SCMH1: variants seen among roughly 807,000 people sequenced by gnomAD.
The protein encoded by SCMH1 is polycomb protein SCMH1.
Under a neutral mutation model 70.8 loss-of-function variants are expected in SCMH1, and 37 were observed. The observed-to-expected ratio is 0.52, with a 90% confidence interval of 0.40 to 0.69. The LOEUF is 0.69. Among genes scored for constraint, SCMH1 ranks in the 30% least tolerant of loss-of-function variants. The pLI is 0.00. For missense variants in SCMH1, 607 were observed against 827.3 expected (o/e 0.73, Z 3.27); for synonymous variants, 292 against 307.4 (o/e 0.95, Z 0.52).
exon 11 of SCMH1, chr1:41,048,776 G>A (rs772643140): frequency 1.2e-6 from 2 of 1,614,194 alleles, no homozygotes; most frequent in Non-Finnish European, 1.7e-6. Context: ...GGCCTGGACA[G>A]CCTGCTGCAA....
intron 1 of SCMH1, among the ~76,000 whole-genome samples, chr1:41,216,152 T>A (rs1447602602): frequency 1.3e-5 from 2 of 152,168 alleles, no homozygotes; most frequent in Non-Finnish European, 2.9e-5. Flanking sequence ...AACTAACATC[T>A]CTTATTTATC....
intron 10 of SCMH1, among the ~76,000 whole-genome samples, chr1:41,054,540 A>G (rs1439075050): frequency 6.6e-6 from 1 of 152,216 alleles, no homozygotes; most frequent in Non-Finnish European, 1.5e-5. Flanking sequence ...AAGATGTAAG[A>G]AAGATGTAAC....
intron 8 of SCMH1, among the ~76,000 whole-genome samples, chr1:41,079,668 C>T (rs896894900): frequency 1.3e-5 from 2 of 152,002 alleles, no homozygotes; most frequent in African/African-American, 4.8e-5. Context: ...TCAAGACCAG[C>T]CTGGGCAACA....
chr1:41,106,846 C>T lies in SCMH1; in HGVS notation c.745+6437G>A, dbSNP rs566004171. Among the ~76,000 whole-genome samples the T allele has an allele frequency of 1.9e-4, 29 of 151,898 alleles. 1 individual carries two copies. Among genetic ancestry groups the T allele is most frequent in the African/African-American group, 7.0e-4 (29 of 41,250 alleles). The stretch of plus-strand genomic sequence containing the variant: ...CAGGGACTGCAGACGTCAGCCACCA[C>T]ACCTGGCTAATTTTTGTATTTTTAG... On this transcript the variant is annotated intron_variant, in intron 8 of 14. Transcript: ENST00000337495.
chr1:41,200,655 A>G (rs1654146562), intron 1 of SCMH1, among the ~76,000 whole-genome samples: 1 of 151,896 alleles, frequency 6.6e-6, no homozygotes. Flanking sequence ...ATTAAAGGGA[A>G]GAAGGGGTAT....
intron 13 of SCMH1, among the ~76,000 whole-genome samples, chr1:41,036,706 T>C (rs1423054084): frequency 6.6e-6 from 1 of 152,234 alleles, no homozygotes; most frequent in Non-Finnish European, 1.5e-5. Flanking sequence ...GCTTTTCTCT[T>C]TGAGTCTCAG....
intron 1 of SCMH1, among the ~76,000 whole-genome samples, chr1:41,187,075 C>T (rs970592563): frequency 2.0e-5 from 3 of 151,954 alleles, no homozygotes; most frequent in African/African-American, 7.2e-5. Flanking sequence ...AAAGTAAAAA[C>T]AAAACAAAAA....
In SCMH1 at chr1:41,234,663, A is replaced by G. The variant is rs184809106; in HGVS notation, c.-118+7396T>C. On this transcript the variant is annotated intron_variant, in intron 1 of 14. Transcript: ENST00000337495. ...CTAATTTTTTGTATTTTTAGTAGAG[A>G]CGGGGTTTCACCGTGTTAACCAGGA... is the stretch of plus-strand genomic sequence containing the variant. Among the ~76,000 whole-genome samples the G allele has an allele frequency of 7.2e-3, 1,096 of 151,524 alleles. 17 individuals are homozygous for G. The highest frequency in any genetic ancestry group is 0.025 in the African/African-American group (1,039 of 41,264).
chr1:41,225,541 T>C (rs1660099648), intron 1 of SCMH1, among the ~76,000 whole-genome samples: 1 of 152,162 alleles, frequency 6.6e-6, no homozygotes, highest in African/African-American at 2.4e-5. Flanking sequence ...TAACAGAATG[T>C]AGTATGTAGT....
intron 9 of SCMH1, among the ~76,000 whole-genome samples, chr1:41,074,988 G>C (rs923066796): frequency 6.6e-6 from 1 of 152,208 alleles, no homozygotes; most frequent in East Asian, 1.9e-4. Context: ...TCAGCCTCCC[G>C]AGTAGCTGGG....
intron 12 of SCMH1, 109 bp downstream of exon 12, chr1:41,046,298 A>T: frequency 1.2e-6 from 1 of 851,128 alleles, no homozygotes; most frequent in Non-Finnish European, 1.9e-6. Flanking sequence ...GCAGACCTCT[A>T]GATAGTAGGT....
intron 2 of SCMH1, among the ~76,000 whole-genome samples, chr1:41,171,032 T>C (rs951396484): frequency 1.3e-5 from 2 of 152,214 alleles, no homozygotes; most frequent in Non-Finnish European, 2.9e-5. Flanking sequence ...ACCCAGTAAA[T>C]GGCACCTCCA....
chr1:41,130,102 T>C (rs958079630), intron 6 of SCMH1, among the ~76,000 whole-genome samples: 1 of 152,230 alleles, frequency 6.6e-6, no homozygotes, highest in Non-Finnish European at 1.5e-5. Flanking sequence ...CATATTTTCA[T>C]GTGCTAATTG....
rs752699866 is a variant in SCMH1 at position 41,028,156 on chromosome 1, C to T, written c.*38G>A. ...CCTCATTCCTAGAAGAATGCCCCCA[C>T]CTGCTGCCACTTGGTTGTCTAGGCT... On this transcript the variant is annotated 3_prime_UTR_variant, in exon 15 of 15. Transcript: ENST00000337495. 1.9e-6 allele frequency: 3 copies of T among 1,612,854 alleles called. No individual in the cohort carries two copies. The African/African-American group carries it at 4.0e-5, about 22-fold the overall frequency.
chr1:41,107,827 A>C (rs1426170299), intron 8 of SCMH1, among the ~76,000 whole-genome samples: 1 of 152,172 alleles, frequency 6.6e-6, no homozygotes, highest in African/African-American at 2.4e-5. Flanking sequence ...CTAGGATTAC[A>C]ATTTAATTAA....
intron 2 of SCMH1, among the ~76,000 whole-genome samples, chr1:41,181,333 C>A (rs1293381144): frequency 2.6e-5 from 4 of 152,048 alleles, no homozygotes; most frequent in Admixed American, 6.6e-5. Context: ...GCAACAAAAG[C>A]CAAAATTGAC....
At chr1:41,069,829 C>T (rs1655871172) in intron 10 of SCMH1, among the ~76,000 whole-genome samples, 1 of 152,190 alleles carries the variant, frequency 6.6e-6, no homozygotes, top group Admixed American at 6.5e-5. Context: ...GAAACTATGT[C>T]TGAGCCTTCC....
chr1:41,037,958 A>G (rs572729303), intron 12 of SCMH1: 42 of 159,044 alleles, frequency 2.6e-4, no homozygotes, highest in Admixed American at 6.6e-4. Context: ...CATGTCAGAA[A>G]TGCTTCTTGA....
intron 1 of SCMH1, among the ~76,000 whole-genome samples, chr1:41,233,450 C>T (rs1181293498): frequency 6.6e-6 from 1 of 152,004 alleles, no homozygotes. Flanking sequence ...GTAACTATGA[C>T]TATAGATAGC....
Sources: gnomAD v4.1 joint callset for allele counts (sites outside exome capture counted in the v4.1 genomes callset) on GRCh38, gnomAD v4.1.1 for gene constraint, MANE v1.5 for transcripts, NCBI Gene and HGNC (gene_info 2026-07-23, HGNC 2026-07-21) for gene names.